The following TXNDC16 variants were observed in gnomAD, a reference collection of about 807,000 sequenced individuals.
TXNDC16 encodes thioredoxin domain containing 16.
A neutral mutation model predicts 85.6 loss-of-function variants in TXNDC16; 74 were observed. That is an observed-to-expected ratio of 0.86 (90% CI 0.72 to 1.05). The LOEUF is 1.05. Among genes scored for constraint, TXNDC16 ranks in the 50% least tolerant of loss-of-function variants. The probability of loss-of-function intolerance (pLI) is 0.00; values close to 1 mark genes in which losing one functional copy is unlikely to be tolerated. For missense variants in TXNDC16, 959 were observed against 947.0 expected (o/e 1.01, Z -0.17); for synonymous variants, 335 against 326.5 (o/e 1.03, Z -0.28).
intron 8 of TXNDC16, among the ~76,000 whole-genome samples, chr14:52,514,595 G>A (rs2037034376): frequency 6.6e-6 from 1 of 152,112 alleles, no homozygotes; most frequent in South Asian, 2.1e-4. Flanking sequence ...ATCACCGCAG[G>A]AGAACCATTC....
chr14:52,489,977 T>C (rs1000712551), intron 11 of TXNDC16, among the ~76,000 whole-genome samples: 2 of 152,014 alleles, frequency 1.3e-5, no homozygotes, highest in African/African-American at 4.8e-5. Flanking sequence ...ACTGGGACTA[T>C]AGGCATGCAC....
intron 16 of TXNDC16, among the ~76,000 whole-genome samples, chr14:52,463,962 G>A (rs114517876): frequency 0.012 from 1,820 of 152,258 alleles, 34 homozygotes; most frequent in African/African-American, 0.04. Flanking sequence ...AACTGACAAT[G>A]TTGGGAACAA....
rs1173180273 is a variant in TXNDC16, at chr14:52,439,212, T to C, written c.2186A>G (p.Asn729Ser). 6.2e-7 allele frequency: 1 copy of C among 1,613,758 alleles called. No individual in the cohort carries two copies. Among genetic ancestry groups the C allele is most frequent in the Admixed American group, 1.7e-5 (1 of 59,936 alleles). The part of the protein sequence containing the change: ...WLKKLEAGLE[N>S]HITILPAQEW... ...CAAAACAGAAAACTTACTGATATGA[T>C]TTTCTAGTCCTGCTTCTAATTTCTT... Residue 729 changes from asparagine (N) to serine (S), a missense_variant, in exon 20 of 21, where the codon AAT becomes AGT. Asn to Ser is a conservative substitution (Grantham distance 46, BLOSUM62 1). Coordinates refer to ENST00000281741, the MANE Select transcript of TXNDC16 (RefSeq NM_020784.3).
rs535148458 is a variant in TXNDC16, at chr14:52,457,250, T to C, written c.1619-76A>G. 22 of 742,024 alleles carry C rather than the reference T, an allele frequency of 3.0e-5. No individual in the cohort carries two copies. The African/African-American group carries it at 3.9e-4, about 13-fold the overall frequency. The allele number at this position is 742,024 out of a possible 1,614,324, so 46.0% of individuals were successfully genotyped here. ...GCTATTCAACTGATGAAGAGATTTATAGGTGGTAGTATTTCATTATTAATT... is the reference window on the plus strand; with the variant it reads ...GCTATTCAACTGATGAAGAGATTTACAGGTGGTAGTATTTCATTATTAATT... On this transcript the variant is annotated intron_variant, in intron 16 of 20. Transcript: ENST00000281741.
intron 6 of TXNDC16, among the ~76,000 whole-genome samples, chr14:52,530,513 A>G (rs1428373019): frequency 4.6e-5 from 1 of 21,874 alleles, no homozygotes; most frequent in Non-Finnish European, 8.6e-5. Context: ...AATATATATT[A>G]TTATATAATA....
intron 9 of TXNDC16, among the ~76,000 whole-genome samples, chr14:52,510,643 C>T (rs1369522250): frequency 1.3e-5 from 2 of 152,206 alleles, no homozygotes; most frequent in Non-Finnish European, 2.9e-5. Context: ...AATACACATG[C>T]ACCACTTTTA....
intron 18 of TXNDC16, among the ~76,000 whole-genome samples, chr14:52,455,088 C>T (rs190506210): frequency 6.6e-6 from 1 of 152,150 alleles, no homozygotes; most frequent in African/African-American, 2.4e-5. Context: ...GGATTAAGCA[C>T]GTGAACTGAA....
At chr14:52,507,047 T>G (rs903256657) in intron 9 of TXNDC16, among the ~76,000 whole-genome samples, 17 of 152,130 alleles carry the variant, frequency 1.1e-4, no homozygotes, top group Non-Finnish European at 2.2e-4. Flanking sequence ...CAACATAGTG[T>G]TGGAAGTTCT....
chr14:52,453,544 G>A (rs897181207), intron 18 of TXNDC16, among the ~76,000 whole-genome samples: 2 of 152,172 alleles, frequency 1.3e-5, no homozygotes. Context: ...AATGGAACTG[G>A]AGGTCATGAT....
chr14:52,524,136 A>G (rs886084571), intron 6 of TXNDC16, among the ~76,000 whole-genome samples: 1 of 152,270 alleles, frequency 6.6e-6, no homozygotes, highest in African/African-American at 2.4e-5. Flanking sequence ...TCAGGAGAGA[A>G]CAGCATGGGC....
chr14:52,550,911 A>G (rs2140238971), intron 1 of TXNDC16, among the ~76,000 whole-genome samples: 1 of 152,326 alleles, frequency 6.6e-6, no homozygotes, highest in Non-Finnish European at 1.5e-5. Context: ...CGCCCTGACC[A>G]CATTCTCTAA....
At chr14:52,455,275 T>G (rs776697900) in intron 18 of TXNDC16, 49 bp downstream of exon 18, 1 of 1,604,142 alleles carries the variant, frequency 6.2e-7, no homozygotes, top group Non-Finnish European at 8.5e-7. Flanking sequence ...TACCTTTGAC[T>G]GATCTAGATT....
chr14:52,482,740 T>C, intron 13 of TXNDC16, 82 bp downstream of exon 13: 5 of 1,298,092 alleles, frequency 3.9e-6, no homozygotes, highest in Admixed American at 5.3e-5. Flanking sequence ...TTTTACAACA[T>C]GCAATACATG....
chr14:52,533,176 T>C (rs866190933), intron 6 of TXNDC16, among the ~76,000 whole-genome samples: 1 of 152,200 alleles, frequency 6.6e-6, no homozygotes, highest in South Asian at 2.1e-4. Context: ...GACTGAGGCA[T>C]GATGGACTTT....
Position 52,485,087 on chromosome 14 carries a change from T to C in TXNDC16, c.1109-2122A>G, listed in dbSNP as rs116625382. Among the ~76,000 whole-genome samples the C allele has an allele frequency of 3.2e-3, 488 of 152,262 alleles. 1 individual carries two copies. The highest frequency in any genetic ancestry group is 0.011 in the African/African-American group (462 of 41,552). ...GTTCTAAAAGAAGGCACTATTATCA[T>C]AGGAAATGACAGCTCCATGCTTGTT... On this transcript the variant is annotated intron_variant, in intron 12 of 20. Coordinates refer to ENST00000281741, the MANE Select transcript of TXNDC16 (RefSeq NM_020784.3).
intron 9 of TXNDC16, among the ~76,000 whole-genome samples, chr14:52,499,889 A>G (rs1594732646): frequency 1.3e-5 from 2 of 152,302 alleles, no homozygotes; most frequent in South Asian, 4.1e-4. Context: ...TATTTATAAT[A>G]TCAAATACAA....
chr14:52,483,062 T>C, intron 12 of TXNDC16, 97 bp from the exon 13 acceptor site: 1 of 1,051,606 alleles, frequency 9.5e-7, no homozygotes, highest in Non-Finnish European at 1.3e-6. Context: ...CAGTACTTTA[T>C]ACAAACTTTT....
At chr14:52,489,038 C>T (rs1305920683) in intron 11 of TXNDC16, among the ~76,000 whole-genome samples, 1 of 152,110 alleles carries the variant, frequency 6.6e-6, no homozygotes, top group Non-Finnish European at 1.5e-5. Flanking sequence ...CTTCTTGTCA[C>T]AACCACATTA....
At chr14:52,525,741 T>TAATA (rs1220269539) in intron 6 of TXNDC16, among the ~76,000 whole-genome samples, 1 of 103,190 alleles carries the variant, frequency 9.7e-6, no homozygotes, top group East Asian at 2.4e-4. Context: ...ATAATAATAA[T>TAATA]AATAAATAAA....
Sources: allele counts gnomAD v4.1 joint callset (sites outside exome capture counted in the v4.1 genomes callset), GRCh38; gene constraint gnomAD v4.1.1; transcripts MANE v1.5; gene names NCBI Gene and HGNC (gene_info 2026-07-23, HGNC 2026-07-21).